IFT46: variants seen among roughly 807,000 people sequenced by gnomAD.
IFT46 encodes the protein intraflagellar transport 46.
A neutral mutation model predicts 39.6 loss-of-function variants in IFT46; 19 were observed. The ratio of observed to expected loss-of-function variants is 0.48; its 90% CI spans 0.33 to 0.70. IFT46 has a LOEUF of 0.70. IFT46 is among the 30% of genes least tolerant of loss of function. The probability of loss-of-function intolerance (pLI) is 0.01; values close to 1 mark genes in which losing one functional copy is unlikely to be tolerated. For missense variants in IFT46, 334 were observed against 364.8 expected, an observed-to-expected ratio of 0.92 and a Z score of 0.69; for synonymous variants, 117 against 134.8, an observed-to-expected ratio of 0.87 and a Z score of 0.91.
chr11:118,575,155 T>A (rs1555073259), upstream of IFT46, among the ~76,000 whole-genome samples: 1 of 152,112 alleles, frequency 6.6e-6, no homozygotes, highest in African/African-American at 2.4e-5. Flanking sequence ...CTTTTTTGTA[T>A]TTTTAGTAGA....
chr11:118,552,092 T>C, intron 8 of IFT46, 122 bp downstream of exon 8: 2 of 1,230,616 alleles, frequency 1.6e-6, no homozygotes, highest in South Asian at 2.8e-5. Context: ...GTTGCCAGGA[T>C]CCACAGGACC....
intron 3 of IFT46, among the ~76,000 whole-genome samples, chr11:118,558,664 C>T (rs919518088): frequency 6.6e-6 from 1 of 151,628 alleles, no homozygotes; most frequent in Non-Finnish European, 1.5e-5. Context: ...ACCTGTAATC[C>T]CAGCACTTTG....
upstream of IFT46, among the ~76,000 whole-genome samples, chr11:118,576,147 C>A (rs1412849968): frequency 2.0e-5 from 3 of 151,604 alleles, no homozygotes; most frequent in Non-Finnish European, 4.4e-5. Flanking sequence ...AGAACAGAAA[C>A]CTAATTCTCC....
chr11:118,572,238 A>C (rs1286693377), intron 1 of IFT46, among the ~76,000 whole-genome samples: 1 of 152,162 alleles, frequency 6.6e-6, no homozygotes, highest in Admixed American at 6.5e-5. Flanking sequence ...ATGACAGTGA[A>C]AGGGGAGAGA....
chr11:118,552,933 A>T (rs929919218), intron 7 of IFT46, among the ~76,000 whole-genome samples: 1 of 151,438 alleles, frequency 6.6e-6, no homozygotes, highest in Non-Finnish European at 1.5e-5. Flanking sequence ...AAAAAAAAAA[A>T]ACCTAGCCAG....
upstream of IFT46, among the ~76,000 whole-genome samples, chr11:118,576,114 G>T (rs1938492964): frequency 6.6e-6 from 1 of 151,914 alleles, no homozygotes; most frequent in Admixed American, 6.6e-5. Context: ...CTTATCCAAG[G>T]TCACATAATT....
At chr11:118,570,380 C>G (rs1466907045), upstream of IFT46, among the ~76,000 whole-genome samples, 2 of 152,124 alleles carry the variant, frequency 1.3e-5, no homozygotes, top group Non-Finnish European at 2.9e-5. Context: ...TGACTTTGAA[C>G]TTGGCTCTAC....
At chr11:118,558,115 T>TAGATA (rs10677211) in intron 3 of IFT46, among the ~76,000 whole-genome samples, 24,581 of 152,108 alleles carry the variant, frequency 0.16, 2,504 homozygotes, top group East Asian at 0.5. Flanking sequence ...TTATTATACA[T>TAGATA]AAAGTATATT....
At chr11:118,549,771 C>T (rs1438772526) in intron 9 of IFT46, among the ~76,000 whole-genome samples, 2 of 151,876 alleles carry the variant, frequency 1.3e-5, no homozygotes, top group African/African-American at 4.8e-5. Context: ...GATCAGCCCG[C>T]CTCGGCCTCC....
chr11:118,565,482 G>C (rs139934950), intron 1 of IFT46: 1 of 125,000 alleles, frequency 8.0e-6, no homozygotes, highest in African/African-American at 3.1e-5. Flanking sequence ...GTGGGGTGGG[G>C]TGGGGTGGGG....
intron 3 of IFT46, among the ~76,000 whole-genome samples, chr11:118,559,067 C>T (rs1937941686): frequency 6.6e-6 from 1 of 151,704 alleles, no homozygotes; most frequent in Non-Finnish European, 1.5e-5. Flanking sequence ...GGGGTTTCGC[C>T]ATGTTGGACA....
At chr11:118,558,378 T>C (rs1937913054) in intron 3 of IFT46, among the ~76,000 whole-genome samples, 1 of 151,868 alleles carries the variant, frequency 6.6e-6, no homozygotes, top group Admixed American at 6.6e-5. Context: ...AGGCGGATCA[T>C]GTGGTCAGGA....
rs782137705 is a variant in IFT46, at chr11:118,545,465, G to A, written c.763C>T (p.Arg255Trp). 6.2e-7 allele frequency: 1 copy of A among 1,613,556 alleles called. No individual in the cohort carries two copies. Among genetic ancestry groups the A allele is most frequent in the East Asian group, 2.2e-5 (1 of 44,882 alleles). The part of the protein sequence containing the change: ...AILDIPVYKS[R>W]IQSLHLLFSL... Reference sequence around the variant, plus strand: ...AAGAGCAGATGGAGGGACTGGATCCGACTCTTGTAGACAGGGATGTCTAGA... The same window carrying A: ...AAGAGCAGATGGAGGGACTGGATCCAACTCTTGTAGACAGGGATGTCTAGA... Residue 255 changes from arginine to tryptophan, a missense_variant, in exon 11 of 12, where the codon CGG becomes TGG. Physicochemically the swap from Arg to Trp is moderately radical, Grantham distance 101 (BLOSUM62 -3). Coordinates refer to ENST00000264021, the MANE Select transcript of IFT46 (RefSeq NM_001168618.2).
chr11:118,554,523 T>G lies in IFT46; in HGVS notation c.419A>C (p.Lys140Thr). The G allele has an allele frequency of 6.2e-7, 1 of 1,613,808 alleles. No homozygotes were observed. ...GLLVLDEPSTKQSDPTVLSLW... is the reference protein window; with the variant it reads ...GLLVLDEPSTTQSDPTVLSLW... Reference sequence around the variant, plus strand: ...TGAGAGCACCGTAGGGTCTGACTGCTTTGTAGAAGGTTCATCCAATACCAA... The same window carrying G: ...TGAGAGCACCGTAGGGTCTGACTGCGTTGTAGAAGGTTCATCCAATACCAA... Residue 140 changes from lysine to threonine, a missense_variant, in exon 7 of 12, where the codon AAG (lysine) becomes ACG (threonine). Lys to Thr is a moderately conservative substitution (Grantham distance 78). Coordinates refer to ENST00000264021, the MANE Select transcript of IFT46 (RefSeq NM_001168618.2).
chr11:118,565,457 C>A (rs1323506440), intron 1 of IFT46: 1 of 64,264 alleles, frequency 1.6e-5, no homozygotes, highest in Non-Finnish European at 3.5e-5. Context: ...GGAGTCACCT[C>A]TGGGGTGGGG....
chr11:118,553,453 AAG>A (rs1937721278), intron 7 of IFT46, among the ~76,000 whole-genome samples: 1 of 152,100 alleles, frequency 6.6e-6, no homozygotes, highest in Non-Finnish European at 1.5e-5. Context: ...AAAAAAAAAA[AAG>A]AAATACCATT....
chr11:118,546,370 A>G lies in IFT46; in HGVS notation c.673-517T>C, dbSNP rs1134750. 1,370 of 525,460 alleles carry G rather than the reference A, an allele frequency of 2.6e-3. 16 individuals carry two copies. The highest frequency in any genetic ancestry group is 0.024 in the African/African-American group (1,248 of 52,040). The allele number at this position is 525,460 out of a possible 1,614,324, so 32.5% of individuals were successfully genotyped here. A position where few individuals can be genotyped will look rare whatever the true frequency, so the allele number is the denominator to read the frequency against. On this transcript the variant is annotated intron_variant, in intron 9 of 11. Transcript: ENST00000264021. ...GCCGGGTGTGGTGTTGAGTATCTGTAGTCCCAGCTACTTGGGAGGCTGGGG... is the reference window on the plus strand; with the variant it reads ...GCCGGGTGTGGTGTTGAGTATCTGTGGTCCCAGCTACTTGGGAGGCTGGGG...
intron 9 of IFT46, among the ~76,000 whole-genome samples, chr11:118,548,890 T>C (rs1239416628): frequency 2.0e-5 from 3 of 149,720 alleles, no homozygotes; most frequent in Admixed American, 2.0e-4. Context: ...CACTCCATTA[T>C]GACTTTTTTT....
chr11:118,558,370 G>A (rs942165507), intron 3 of IFT46, among the ~76,000 whole-genome samples: 2 of 152,214 alleles, frequency 1.3e-5, no homozygotes, highest in Non-Finnish European at 2.9e-5. Context: ...ACCGAAGCAG[G>A]CGGATCATGT....
Sources: allele counts gnomAD v4.1 joint callset (sites outside exome capture counted in the v4.1 genomes callset), GRCh38; gene constraint gnomAD v4.1.1; transcripts MANE v1.5; gene names NCBI Gene and HGNC (gene_info 2026-07-23, HGNC 2026-07-21).